FTCD: variants seen among roughly 807,000 people sequenced by gnomAD.
FTCD encodes the protein formimidoyltransferase cyclodeaminase.
A neutral mutation model predicts 62.9 loss-of-function variants in FTCD; 76 were observed. The observed-to-expected ratio is 1.21, with a 90% CI of 1.00 to 1.46. FTCD has a LOEUF of 1.46. Among genes scored for constraint, FTCD ranks in the 40% most tolerant of loss-of-function variants. The pLI, the probability that FTCD is intolerant of heterozygous loss-of-function variation, is 0.00. For missense variants in FTCD, 845 were observed against 751.3 expected, an observed-to-expected ratio of 1.12 and a Z score of -1.46; for synonymous variants, 397 against 336.9, an observed-to-expected ratio of 1.18 and a Z score of -1.95.
At chr21:46,150,628 C>G (rs552794133) in intron 5 of FTCD, 103 bp from the exon 6 acceptor site, 337 of 1,228,044 alleles carry the variant, frequency 2.7e-4, no homozygotes, top group Non-Finnish European at 3.6e-4. Context: ...CGGGGAGGAG[C>G]CTGTGCCTGG....
At chr21:46,152,725 G>A in intron 3 of FTCD, 182 bp downstream of exon 3, 1 of 574,638 alleles carries the variant, frequency 1.7e-6, no homozygotes, top group Non-Finnish European at 3.0e-6. Flanking sequence ...GGCCTGCACG[G>A]CCGCAGGCGA....
At chr21:46,149,567 G>C (rs1009686884) in intron 7 of FTCD, among the ~76,000 whole-genome samples, 3 of 152,022 alleles carry the variant, frequency 2.0e-5, no homozygotes, top group Non-Finnish European at 4.4e-5. Context: ...GCGGACAGCG[G>C]CTCTGCAGTG....
At chr21:46,150,619 G>A (rs1042074064) in intron 5 of FTCD, 94 bp from the exon 6 acceptor site, 22 of 1,315,250 alleles carry the variant, frequency 1.7e-5, no homozygotes, top group Non-Finnish European at 2.1e-5. Context: ...CCAGCTGGAC[G>A]GGGAGGAGCC....
At position 46,153,028 on chromosome 21, in the gene FTCD, G is replaced by T. The variant is rs373812622; in HGVS notation, c.246C>A (p.His82Gln). 3 of 1,548,760 alleles carry T rather than the reference G, an allele frequency of 1.9e-6. No individual in the cohort carries two copies. Among genetic ancestry groups the T allele is most frequent in the Non-Finnish European group, 2.6e-6 (3 of 1,146,766 alleles). ...AGACGTCTAGGGCCCCCATGCGGGG[G>T]TGCTCTCCTGCAGAGAGACGGCGAG... ...LIDMSRHQGEHPRMGALDVCP... is the reference protein window; with the variant it reads ...LIDMSRHQGEQPRMGALDVCP... Residue 82 changes from histidine (H) to glutamine (Q), a missense_variant, in exon 3 of 14, where the codon CAC becomes CAA. Coordinates refer to ENST00000397746, the MANE Select transcript of FTCD (RefSeq NM_206965.2).
chr21:46,141,629 G>A (rs564732553), intron 10 of FTCD, among the ~76,000 whole-genome samples: 3 of 151,924 alleles, frequency 2.0e-5, no homozygotes, highest in South Asian at 2.1e-4. Flanking sequence ...AAGATTAAGA[G>A]TCATTGTCAG....
intron 10 of FTCD, among the ~76,000 whole-genome samples, chr21:46,141,199 G>A (rs1408244331): frequency 6.6e-6 from 1 of 152,172 alleles, no homozygotes; most frequent in African/African-American, 2.4e-5. Context: ...GTGCAGTGGT[G>A]CAATCACGAC....
intron 7 of FTCD, chr21:46,146,530 C>T (rs2079152044): frequency 3.3e-6 from 2 of 604,522 alleles, no homozygotes; most frequent in Non-Finnish European, 5.9e-6. Flanking sequence ...CCAGCAGGCA[C>T]CCCGTACAGG....
rs61735839 is a variant in FTCD, at chr21:46,138,542, C to T, written c.1409G>A (p.Arg470Gln). 1,808 of 1,586,500 alleles carry T rather than the reference C, an allele frequency of 1.1e-3. 14 individuals are homozygous for T. The highest frequency in any genetic ancestry group is 3.1e-3 in the Middle Eastern group (16 of 5,190). Reference protein sequence around the residue: ...SLWPALQELARCGNLACRSDL... With the variant: ...SLWPALQELAQCGNLACRSDL... Reference sequence around the variant, plus strand: ...TGACCGGCAGGCCAGGTTCCCACACCGGGCCAGTTCCTGCAGGGCCGGCCA... The same window carrying T: ...TGACCGGCAGGCCAGGTTCCCACACTGGGCCAGTTCCTGCAGGGCCGGCCA... Residue 470 changes from arginine to glutamine, a missense_variant, in exon 12 of 14, where the codon CGG (arginine) becomes CAG (glutamine). Coordinates refer to ENST00000397746, the MANE Select transcript of FTCD (RefSeq NM_206965.2).
At chr21:46,139,192 T>G (rs2078940489) in intron 10 of FTCD, 1 of 546,104 alleles carries the variant, frequency 1.8e-6, no homozygotes, top group Admixed American at 3.1e-5. Context: ...TATTCTCAGC[T>G]AAAGAGCCTG....
chr21:46,149,548 C>A (rs1185067426), intron 7 of FTCD, among the ~76,000 whole-genome samples: 2 of 152,106 alleles, frequency 1.3e-5, no homozygotes, highest in Non-Finnish European at 2.9e-5. Flanking sequence ...AGTGAAAGGA[C>A]AGACCAAGGC....
chr21:46,141,625 A>G (rs16978930), intron 10 of FTCD, among the ~76,000 whole-genome samples: 10,645 of 152,086 alleles, frequency 0.07, 425 homozygotes, highest in Middle Eastern at 0.11. Context: ...CATAAAGATT[A>G]AGAGTCATTG....
At chr21:46,145,756 C>CG in intron 9 of FTCD, 62 bp downstream of exon 9, 1 of 225,036 alleles carries the variant, frequency 4.4e-6, no homozygotes, top group Non-Finnish European at 7.8e-6. Context: ...CAACAGCGCC[C>CG]TTCCCCCTCC....
intron 2 of FTCD, 134 bp from the exon 3 acceptor site, chr21:46,153,169 G>A: frequency 1.0e-6 from 1 of 958,078 alleles, no homozygotes; most frequent in Non-Finnish European, 1.5e-6. Context: ...TGCTCACACT[G>A]ACCCACAGGG....
Position 46,138,665 on chromosome 21 carries a change from G to A in FTCD, c.1305-19C>T, listed in dbSNP as rs1441302129. 3 of 1,596,094 alleles carry A rather than the reference G, an allele frequency of 1.9e-6. No individual in the cohort carries two copies. The highest frequency in any genetic ancestry group is 4.5e-5 in the East Asian group (2 of 44,788). ...CGTGCGCCTGAAAGGAGCAAGAGGAGAGCCTGAGCACAGCGGCACACACAG... is the reference window on the plus strand; with the variant it reads ...CGTGCGCCTGAAAGGAGCAAGAGGAAAGCCTGAGCACAGCGGCACACACAG... On this transcript the variant is annotated intron_variant, in intron 11 of 13. Coordinates refer to ENST00000397746, the MANE Select transcript of FTCD (RefSeq NM_206965.2).
chr21:46,154,993 C>T (rs139889294), intron 1 of FTCD, among the ~76,000 whole-genome samples: 1 of 152,194 alleles, frequency 6.6e-6, no homozygotes, highest in African/African-American at 2.4e-5. Context: ...CCTGCTGCCC[C>T]CTCTGTGCCT....
Position 46,154,138 on chromosome 21 carries a change from A to C in FTCD, c.238+11T>G. On this transcript the variant is annotated intron_variant, in intron 2 of 13. Transcript: ENST00000397746. Reference sequence around the variant, plus strand: ...AGACACGGCAGCCACAGGAGAGCCCAGAGACCTCACCTTGGTGCCTGCTCA... The same window carrying C: ...AGACACGGCAGCCACAGGAGAGCCCCGAGACCTCACCTTGGTGCCTGCTCA... The C allele has an allele frequency of 6.2e-7, 1 of 1,611,996 alleles. No homozygotes were observed. The highest frequency in any genetic ancestry group is 8.5e-7 in the Non-Finnish European group (1 of 1,179,242).
downstream of FTCD, chr21:46,136,352 A>G (rs1601283395): frequency 7.6e-7 from 1 of 1,314,652 alleles, no homozygotes; most frequent in African/African-American, 1.4e-5. Flanking sequence ...AAAGTCTCCC[A>G]GGAGCCACTG....
chr21:46,150,278 CT>C (rs781782734), intron 6 of FTCD, 28 bp from the exon 7 acceptor site: 4 of 1,608,598 alleles, frequency 2.5e-6, no homozygotes, highest in African/African-American at 1.3e-5. Context: ...GCGTCACCCC[CT>C]GGGGGCTGGC....
chr21:46,137,315 T>G lies in FTCD; in HGVS notation c.1463A>C (p.Glu488Ala), dbSNP rs779746676. ...SDLQVAAKALEMGVFGAYFNV... is the reference protein window; with the variant it reads ...SDLQVAAKALAMGVFGAYFNV... ...GAAATATGCGCCAAACACGCCCATC[T>G]CCAGGGCTTTGGCCGCCACCTGCAA... Residue 488 changes from glutamate (E) to alanine (A), a missense_variant, in exon 13 of 14, where the codon GAG becomes GCG. Physicochemically the swap from Glu to Ala is moderately radical, Grantham distance 107. Transcript: ENST00000397746. The G allele has an allele frequency of 9.3e-6, 15 of 1,613,624 alleles. 1 individual carries two copies. In the South Asian group the frequency reaches 1.6e-4, roughly 18 times the overall value.
Sources: gnomAD v4.1 joint callset for allele counts (sites outside exome capture counted in the v4.1 genomes callset) on GRCh38, gnomAD v4.1.1 for gene constraint, MANE v1.5 for transcripts, NCBI Gene and HGNC (gene_info 2026-07-23, HGNC 2026-07-21) for gene names.